The following COL22A1 variants were observed in gnomAD, a reference collection of about 807,000 sequenced individuals.
COL22A1 encodes collagen type XXII alpha 1 chain, also known as collagen alpha-1(XXII) chain.
In COL22A1, 221 loss-of-function variants were observed where a neutral mutation model predicts 248.9. The observed-to-expected ratio is 0.89, with a 90% CI of 0.80 to 0.99. The LOEUF is 0.99. Ranked by LOEUF, COL22A1 falls within the 50% of genes least tolerant of loss-of-function variation. The probability of loss-of-function intolerance (pLI) is 0.00; values close to 1 mark genes in which losing one functional copy is unlikely to be tolerated. For synonymous variants in COL22A1, 891 were observed against 793.4 expected (o/e 1.12, Z -2.07); for missense variants, 2,240 against 2,179.0 (o/e 1.03, Z -0.56).
intron 36 of COL22A1, 79 bp downstream of exon 36, chr8:138,690,742 T>C: frequency 8.5e-7 from 1 of 1,175,256 alleles, no homozygotes; most frequent in South Asian, 1.5e-5. Flanking sequence ...CCATGTATCC[T>C]ACGCCTCTGG....
chr8:138,660,221 T>G (rs570095742), intron 44 of COL22A1, among the ~76,000 whole-genome samples: 2 of 152,324 alleles, frequency 1.3e-5, no homozygotes, highest in South Asian at 4.1e-4. Context: ...ACCATTCTAC[T>G]CTCCCTGGGC....
intron 1 of COL22A1, among the ~76,000 whole-genome samples, chr8:138,896,227 G>T (rs1264973555): frequency 6.6e-6 from 1 of 152,026 alleles, no homozygotes; most frequent in Non-Finnish European, 1.5e-5. Context: ...ATATAATAGA[G>T]TCTATTTTTC....
At chr8:138,849,934 G>A (rs1222016813) in intron 3 of COL22A1, among the ~76,000 whole-genome samples, 1 of 152,154 alleles carries the variant, frequency 6.6e-6, no homozygotes, top group African/African-American at 2.4e-5. Flanking sequence ...TGTAATGTCA[G>A]CATTACACAC....
At chr8:138,662,005 G>A (rs747349050) in intron 43 of COL22A1, 25 bp downstream of exon 43, 1 of 1,603,100 alleles carries the variant, frequency 6.2e-7, no homozygotes, top group Non-Finnish European at 8.5e-7. Flanking sequence ...CCTTCACTGA[G>A]TCCACGCCAT....
At position 138,725,409 on chromosome 8, in the gene COL22A1, G is replaced by T. The variant is rs1161304970; in HGVS notation, c.2171C>A (p.Pro724His). ...TACCGGAGAACCTCCCGGTCCAGGG[G>T]GGCCTGGGACACCAGGGGGTCCTGG... ...GPPGPPGVPG[P>H]PGPGGSPGLP... is the part of the protein sequence containing the mutation. Residue 724 changes from proline (P) to histidine (H), a missense_variant, in exon 24 of 65, where the codon CCC (proline) becomes CAC (histidine). Coordinates refer to ENST00000303045, the MANE Select transcript of COL22A1 (RefSeq NM_152888.3). 5 of 1,614,046 alleles carry T rather than the reference G, an allele frequency of 3.1e-6. No individual in the cohort carries two copies. Among genetic ancestry groups the T allele is most frequent in the East Asian group, 4.5e-5 (2 of 44,862 alleles).
chr8:138,641,134 G>A (rs1175332466), intron 47 of COL22A1, among the ~76,000 whole-genome samples: 1 of 152,196 alleles, frequency 6.6e-6, no homozygotes, highest in Non-Finnish European at 1.5e-5. Flanking sequence ...TCAGAACCGT[G>A]GCAGTTACAG....
intron 41 of COL22A1, 68 bp downstream of exon 41, chr8:138,676,490 A>C: frequency 1.4e-6 from 1 of 728,234 alleles, no homozygotes; most frequent in Non-Finnish European, 2.1e-6. Flanking sequence ...GTGTTTCTGC[A>C]GGCAGGTCCA....
At chr8:138,685,632 G>A (rs1417811140) in intron 37 of COL22A1, among the ~76,000 whole-genome samples, 4 of 152,088 alleles carry the variant, frequency 2.6e-5, no homozygotes, top group African/African-American at 4.8e-5. Flanking sequence ...TTTAAAGAAG[G>A]AAGCATTTGG....
At chr8:138,742,821 TGATG>T (rs1476420808) in intron 22 of COL22A1, among the ~76,000 whole-genome samples, 1 of 134,202 alleles carries the variant, frequency 7.5e-6, no homozygotes, top group Non-Finnish European at 1.6e-5. Flanking sequence ...ATGGTGGAGT[TGATG>T]ATGATGGTAG....
intron 30 of COL22A1, among the ~76,000 whole-genome samples, chr8:138,711,616 TCTCTATTTATAGACCG>T (rs1458120636): frequency 6.6e-6 from 1 of 152,148 alleles, no homozygotes; most frequent in Non-Finnish European, 1.5e-5. Context: ...CACTCTGGGC[TCTCTATTTATAGACCG>T]CAAGTCTGCC....
intron 41 of COL22A1, among the ~76,000 whole-genome samples, chr8:138,672,021 C>T (rs1825076855): frequency 6.6e-6 from 1 of 152,254 alleles, no homozygotes; most frequent in South Asian, 2.1e-4. Flanking sequence ...AAAAGTTATA[C>T]TCAAATTTTC....
At chr8:138,618,022 G>A (rs1001742239) in intron 53 of COL22A1, among the ~76,000 whole-genome samples, 1 of 152,178 alleles carries the variant, frequency 6.6e-6, no homozygotes, top group African/African-American at 2.4e-5. Context: ...CCCAGAGGAA[G>A]AGACTCTGGT....
At chr8:138,657,668 C>G (rs1346714678) in intron 44 of COL22A1, among the ~76,000 whole-genome samples, 1 of 152,160 alleles carries the variant, frequency 6.6e-6, no homozygotes, top group African/African-American at 2.4e-5. Flanking sequence ...ACTGCCGTCT[C>G]TGCCTTCTAT....
intron 1 of COL22A1, among the ~76,000 whole-genome samples, chr8:138,902,512 A>G (rs1386185609): frequency 6.6e-6 from 1 of 152,004 alleles, no homozygotes; most frequent in Non-Finnish European, 1.5e-5. Flanking sequence ...CCTGCCTAAC[A>G]TGGTGAAACC....
intron 4 of COL22A1, 77 bp from the exon 5 acceptor site, chr8:138,833,227 C>G: frequency 1.0e-6 from 1 of 1,004,048 alleles, no homozygotes; most frequent in African/African-American, 1.6e-5. Flanking sequence ...CATCCGCTGT[C>G]TGCAAAGGCA....
chr8:138,652,735 GTTTTTTT>G (rs71316352), intron 45 of COL22A1, among the ~76,000 whole-genome samples: 760 of 54,198 alleles, frequency 0.014, 3 homozygotes, highest in African/African-American at 0.036. Context: ...TCCTTTTCTG[GTTTTTTT>G]TTTTTTTTTT....
At chr8:138,693,087 G>A (rs1015236243) in intron 35 of COL22A1, among the ~76,000 whole-genome samples, 8 of 152,128 alleles carry the variant, frequency 5.3e-5, no homozygotes, top group African/African-American at 1.2e-4. Flanking sequence ...CTCTGGCTCC[G>A]CACCATGAGA....
chr8:138,685,945 G>A (rs542865751), intron 37 of COL22A1, among the ~76,000 whole-genome samples: 16 of 152,200 alleles, frequency 1.1e-4, no homozygotes, highest in South Asian at 1.0e-3. Context: ...ATCTATTTCC[G>A]GTGCATCTCT....
intron 30 of COL22A1, among the ~76,000 whole-genome samples, chr8:138,708,950 C>A (rs545806672): frequency 6.6e-5 from 10 of 150,612 alleles, no homozygotes; most frequent in African/African-American, 1.2e-4. Flanking sequence ...AGAAAAAAAT[C>A]AAAAAACCCC....
Sources: allele counts gnomAD v4.1 joint callset (sites outside exome capture counted in the v4.1 genomes callset), GRCh38; gene constraint gnomAD v4.1.1; transcripts MANE v1.5; gene names NCBI Gene and HGNC (gene_info 2026-07-23, HGNC 2026-07-21).